Variants in UNC13C observed in about 807,000 individuals in gnomAD.
The protein encoded by UNC13C is protein unc-13 homolog C.
In UNC13C, 174 loss-of-function variants were observed where a neutral mutation model predicts 245.4. The observed-to-expected ratio is 0.71, with a 90% confidence interval of 0.63 to 0.80. The LOEUF is 0.80. UNC13C is among the 30% of genes least tolerant of loss of function. UNC13C has a pLI of 0.00. For missense variants in UNC13C, 2,829 were observed against 2,602.9 expected (o/e 1.09, Z -1.89); for synonymous variants, 992 against 895.1 (o/e 1.11, Z -1.93).
At chr15:54,511,245 GA>G (rs1894725363) in intron 23 of UNC13C, among the ~76,000 whole-genome samples, 1 of 152,112 alleles carries the variant, frequency 6.6e-6, no homozygotes, top group South Asian at 2.1e-4. Context: ...AGGAAAATGA[GA>G]AGAAAAACAC....
At chr15:54,550,271 C>T (rs552190377) in intron 28 of UNC13C, among the ~76,000 whole-genome samples, 7 of 152,106 alleles carry the variant, frequency 4.6e-5, no homozygotes, top group Non-Finnish European at 1.0e-4. Context: ...AATTCTTCCT[C>T]AAATGCTTCC....
At chr15:53,979,899 T>C (rs1260277153) in intron 1 of UNC13C, among the ~76,000 whole-genome samples, 2 of 152,144 alleles carry the variant, frequency 1.3e-5, no homozygotes, top group Non-Finnish European at 2.9e-5. Context: ...TAAAAGTGGG[T>C]TAAATTGTCA....
chr15:54,223,697 G>C (rs923808272), intron 4 of UNC13C, among the ~76,000 whole-genome samples: 9 of 151,938 alleles, frequency 5.9e-5, no homozygotes, highest in African/African-American at 2.2e-4. Flanking sequence ...GATAGGGATT[G>C]TATTAAATCT....
intron 8 of UNC13C, among the ~76,000 whole-genome samples, chr15:54,252,056 A>T (rs2036165278): frequency 6.6e-6 from 1 of 152,186 alleles, no homozygotes; most frequent in South Asian, 2.1e-4. Context: ...TACATGCAAA[A>T]TCTCATAATC....
chr15:54,293,945 A>T lies in UNC13C; in HGVS notation c.3869A>T (p.Asp1290Val), dbSNP rs199656689. The T allele has an allele frequency of 2.5e-6, 4 of 1,589,674 alleles. No homozygotes were observed. Among genetic ancestry groups the T allele is most frequent in the South Asian group, 1.2e-5 (1 of 86,676 alleles). The part of the protein sequence containing the change: ...DRIKVRVWDE[D>V]DDIKSRVKQH... ...ATCAAAGTCAGAGTATGGGATGAAG[A>T]TGATGATATTAAATCCAGAGTCAAG... The change falls in exon 11 of 33, where the codon GAT (aspartate) becomes GTT (valine). Residue 1290 changes from aspartate to valine, a missense_variant. Physicochemically the swap from Asp to Val is radical, Grantham distance 152. Coordinates refer to ENST00000260323, the MANE Select transcript of UNC13C (RefSeq NM_001080534.3).
intron 17 of UNC13C, among the ~76,000 whole-genome samples, chr15:54,382,625 A>C (rs1426795185): frequency 1.3e-5 from 2 of 152,102 alleles, no homozygotes; most frequent in African/African-American, 4.8e-5. Flanking sequence ...GAAAGATTTC[A>C]AATAGTCTCA....
intron 30 of UNC13C, among the ~76,000 whole-genome samples, chr15:54,595,365 T>A (rs1899019543): frequency 6.6e-6 from 1 of 152,120 alleles, no homozygotes; most frequent in Admixed American, 6.5e-5. Context: ...AGAAACTCTC[T>A]TTCCCACAAA....
chr15:54,038,124 A>ATATATATATATATATTTTTTTT, intron 2 of UNC13C, among the ~76,000 whole-genome samples: 1 of 45,034 alleles, frequency 2.2e-5, no homozygotes, highest in Admixed American at 5.0e-4. Flanking sequence ...ATATATATAT[A>ATATATATATATATATTTTTTTT]TTTTTTTTTT....
intron 2 of UNC13C, among the ~76,000 whole-genome samples, chr15:54,085,680 C>G (rs1429341481): frequency 2.6e-5 from 4 of 152,244 alleles, no homozygotes; most frequent in Non-Finnish European, 4.4e-5. Flanking sequence ...TCCCTGCCCT[C>G]AAGTGATCCT....
intron 4 of UNC13C, among the ~76,000 whole-genome samples, chr15:54,222,214 C>G (rs954587796): frequency 6.6e-6 from 1 of 151,522 alleles, no homozygotes; most frequent in East Asian, 1.9e-4. Flanking sequence ...ATTTTTGTAC[C>G]CATTAACCAT....
At chr15:54,534,428 A>T (rs939748896) in intron 26 of UNC13C, among the ~76,000 whole-genome samples, 2 of 152,192 alleles carry the variant, frequency 1.3e-5, no homozygotes, top group Non-Finnish European at 2.9e-5. Context: ...AAGCAAAAAA[A>T]CACTATTCGA....
chr15:53,850,550 G>C, the UNC13C span, among the ~76,000 whole-genome samples: 1 of 152,088 alleles, frequency 6.6e-6, no homozygotes, highest in Non-Finnish European at 1.5e-5. Context: ...ATACGAATCT[G>C]CAATCATTCC....
the UNC13C span, among the ~76,000 whole-genome samples, chr15:53,877,247 AG>A: frequency 5.4e-4 from 82 of 152,234 alleles, no homozygotes; most frequent in Non-Finnish European, 9.4e-4. Flanking sequence ...AGTGTTCCAC[AG>A]GGGCTTGCAG....
intron 4 of UNC13C, among the ~76,000 whole-genome samples, chr15:54,175,962 G>A (rs1235563743): frequency 6.6e-6 from 1 of 152,164 alleles, no homozygotes; most frequent in Non-Finnish European, 1.5e-5. Flanking sequence ...AGAAGCACTA[G>A]TATAAAACAT....
intron 4 of UNC13C, among the ~76,000 whole-genome samples, chr15:54,199,486 A>G (rs756333407): frequency 2.0e-5 from 3 of 152,176 alleles, no homozygotes; most frequent in South Asian, 2.1e-4. Context: ...TATTAACAGC[A>G]GATTTCTCAG....
chr15:54,385,958 G>A (rs2039828754), intron 17 of UNC13C, among the ~76,000 whole-genome samples: 2 of 152,146 alleles, frequency 1.3e-5, no homozygotes, highest in Non-Finnish European at 2.9e-5. Flanking sequence ...TGAGTGCTCA[G>A]GAGTTGTGAC....
chr15:54,294,144 A>T, intron 11 of UNC13C, 80 bp downstream of exon 11: 4 of 1,247,492 alleles, frequency 3.2e-6, no homozygotes, highest in Non-Finnish European at 4.2e-6. Flanking sequence ...ATTCCCATAT[A>T]AGTAAAAATA....
chr15:54,382,487 G>A (rs901811746), intron 17 of UNC13C, among the ~76,000 whole-genome samples: 1 of 152,074 alleles, frequency 6.6e-6, no homozygotes, highest in Non-Finnish European at 1.5e-5. Context: ...TACTCAGGAG[G>A]CTGAGGTGGG....
intron 10 of UNC13C, among the ~76,000 whole-genome samples, chr15:54,289,237 T>C (rs1046059968): frequency 5.3e-5 from 8 of 152,100 alleles, no homozygotes; most frequent in Non-Finnish European, 1.2e-4. Flanking sequence ...CTACATTCAG[T>C]TTGAATGTAT....
Sources: gnomAD v4.1 joint callset for allele counts (sites outside exome capture counted in the v4.1 genomes callset) on GRCh38, gnomAD v4.1.1 for gene constraint, MANE v1.5 for transcripts, NCBI Gene and HGNC (gene_info 2026-07-23, HGNC 2026-07-21) for gene names.